The following CDK6 variants were observed in gnomAD, a reference collection of about 807,000 sequenced individuals.
CDK6 encodes the protein cyclin-dependent kinase 6.
In CDK6, 6 loss-of-function variants were observed where a neutral mutation model predicts 37.1. That is an observed-to-expected ratio of 0.16 (90% confidence interval 0.09 to 0.32). CDK6 has a LOEUF of 0.32. Among genes scored for constraint, CDK6 ranks in the 10% least tolerant of loss-of-function variants. CDK6 has a pLI of 1.00. For missense variants in CDK6, 224 were observed against 418.9 expected, an observed-to-expected ratio of 0.53 and a Z score of 4.06; for synonymous variants, 160 against 161.3, an observed-to-expected ratio of 0.99 and a Z score of 0.06.
chr7:92,765,633 C>T (rs1299849347), intron 3 of CDK6, among the ~76,000 whole-genome samples: 2 of 152,098 alleles, frequency 1.3e-5, no homozygotes, highest in Non-Finnish European at 2.9e-5. Flanking sequence ...AAGATAAACA[C>T]CTAGTACAGT....
intron 2 of CDK6, among the ~76,000 whole-genome samples, chr7:92,780,658 G>A (rs1324286713): frequency 3.3e-5 from 5 of 151,404 alleles, no homozygotes; most frequent in Non-Finnish European, 5.9e-5. Flanking sequence ...CTACTTGGGA[G>A]GCTGAGGCAG....
intron 5 of CDK6, among the ~76,000 whole-genome samples, chr7:92,637,839 A>G (rs1176678548): frequency 6.6e-6 from 1 of 152,142 alleles, no homozygotes; most frequent in Non-Finnish European, 1.5e-5. Flanking sequence ...TTGGGGAAGC[A>G]GGAAAAAAGA....
rs2116469272 is a variant in CDK6, at chr7:92,611,642, C to A, written c.*3498G>T. On this transcript the variant is annotated 3_prime_UTR_variant, in exon 8 of 8. Coordinates refer to ENST00000424848, the MANE Select transcript of CDK6 (RefSeq NM_001145306.2). ...AATTTAAAGTTCAAAATGTTTGGTA[C>A]TATTTAAGAGTTTTCTCATCAAGAT... 1 of 228,464 alleles carries A rather than the reference C, an allele frequency of 4.4e-6. No individual in the cohort carries two copies. Among genetic ancestry groups the A allele is most frequent in the African/African-American group, 2.2e-5 (1 of 45,196 alleles). The allele number at this position is 228,464 out of a possible 1,614,324, so 14.2% of individuals were successfully genotyped here.
intron 2 of CDK6, among the ~76,000 whole-genome samples, chr7:92,806,282 A>C (rs1800723241): frequency 1.3e-5 from 2 of 152,000 alleles, no homozygotes; most frequent in South Asian, 4.2e-4. Flanking sequence ...TATGTTCCCA[A>C]CTCTCCCAAA....
At position 92,609,449 on chromosome 7, in the gene CDK6, A is replaced by G; in HGVS notation, c.*5691T>C. Reference sequence around the variant, plus strand: ...CTTCAGACTTTTTTTTTTTAATTAGAGCTTCTTATGAATTTACATTTGTGA... The same window carrying G: ...CTTCAGACTTTTTTTTTTTAATTAGGGCTTCTTATGAATTTACATTTGTGA... On this transcript the variant is annotated 3_prime_UTR_variant, in exon 8 of 8. Transcript: ENST00000424848. 1 of 228,210 alleles carries G rather than the reference A, an allele frequency of 4.4e-6. No individual in the cohort carries two copies. The highest frequency in any genetic ancestry group is 8.7e-6 in the Non-Finnish European group (1 of 115,240). 14.1% of individuals were successfully genotyped at this position (228,210 alleles called of 1,614,324 possible).
At chr7:92,646,304 T>A (rs888843195) in intron 5 of CDK6, among the ~76,000 whole-genome samples, 13 of 152,212 alleles carry the variant, frequency 8.5e-5, no homozygotes, top group African/African-American at 2.7e-4. Flanking sequence ...ATGTAAGTTA[T>A]AACCTCCTTC....
chr7:92,800,328 C>T (rs961232492), intron 2 of CDK6, among the ~76,000 whole-genome samples: 1 of 152,120 alleles, frequency 6.6e-6, no homozygotes, highest in Non-Finnish European at 1.5e-5. Flanking sequence ...ACCTCAGGTT[C>T]GTCTGCCATA....
chr7:92,671,606 T>C, intron 4 of CDK6, 71 bp from the exon 5 acceptor site: 2 of 777,948 alleles, frequency 2.6e-6, no homozygotes, highest in Non-Finnish European at 4.0e-6. Context: ...CTAAACCTGG[T>C]GGTTTAATGA....
chr7:92,830,077 T>C (rs931109198), intron 2 of CDK6, among the ~76,000 whole-genome samples: 3 of 152,228 alleles, frequency 2.0e-5, no homozygotes, highest in African/African-American at 7.2e-5. Flanking sequence ...GATCCATTTG[T>C]GCAGTGCAGA....
chr7:92,822,772 G>T (rs1215484399), intron 2 of CDK6, among the ~76,000 whole-genome samples: 1 of 152,038 alleles, frequency 6.6e-6, no homozygotes, highest in South Asian at 2.1e-4. Context: ...TTGCAGAATT[G>T]TAAGAATGAT....
chr7:92,674,534 G>A (rs1258861247), intron 4 of CDK6, among the ~76,000 whole-genome samples: 2 of 152,202 alleles, frequency 1.3e-5, no homozygotes, highest in Non-Finnish European at 2.9e-5. Context: ...GGAAGGTATT[G>A]TTTTTGCTAA....
chr7:92,650,379 T>C (rs2282984), intron 5 of CDK6, among the ~76,000 whole-genome samples: 11,653 of 152,278 alleles, frequency 0.077, 765 homozygotes, highest in South Asian at 0.2. Context: ...TTCAGAACTG[T>C]GTTTTCTGCA....
intron 3 of CDK6, among the ~76,000 whole-genome samples, chr7:92,741,962 GC>G (rs1430500799): frequency 6.6e-6 from 1 of 152,068 alleles, no homozygotes; most frequent in African/African-American, 2.4e-5. Flanking sequence ...AAGAATAGGT[GC>G]TCAATAAGTT....
chr7:92,799,206 C>G (rs925018166), intron 2 of CDK6, among the ~76,000 whole-genome samples: 1 of 152,196 alleles, frequency 6.6e-6, no homozygotes, highest in Non-Finnish European at 1.5e-5. Flanking sequence ...CACTTTCTCA[C>G]TCCTTAGTTA....
chr7:92,742,144 T>C (rs1584040600), intron 3 of CDK6, among the ~76,000 whole-genome samples: 2 of 152,298 alleles, frequency 1.3e-5, no homozygotes, highest in South Asian at 4.1e-4. Flanking sequence ...GAAAACTAAA[T>C]CAATAATGTC....
chr7:92,811,273 A>G (rs756024488), intron 2 of CDK6, among the ~76,000 whole-genome samples: 2 of 152,134 alleles, frequency 1.3e-5, no homozygotes, highest in Non-Finnish European at 2.9e-5. Flanking sequence ...TACAGTTATA[A>G]TGTTGTATCT....
intron 5 of CDK6, among the ~76,000 whole-genome samples, chr7:92,665,062 G>C (rs1796925213): frequency 6.6e-6 from 1 of 152,152 alleles, no homozygotes. Context: ...TGGGATTACA[G>C]GTGTGAGTCA....
At position 92,621,548 on chromosome 7, in the gene CDK6, C is replaced by A. The variant is rs147186829; in HGVS notation, c.698+1488G>T. Among the ~76,000 whole-genome samples, 16 of 152,332 alleles carry A rather than the reference C, an allele frequency of 1.1e-4. No homozygotes were observed. In the East Asian group the frequency reaches 2.9e-3, roughly 28 times the overall value. On this transcript the variant is annotated intron_variant, in intron 6 of 7. Coordinates refer to ENST00000424848, the MANE Select transcript of CDK6 (RefSeq NM_001145306.2). Reference sequence around the variant, plus strand: ...GTGATGGCTTTCAAGTCCTGGCAAGCTGACTTTAGTCAAGATTCTCTTTCC... The same window carrying A: ...GTGATGGCTTTCAAGTCCTGGCAAGATGACTTTAGTCAAGATTCTCTTTCC...
intron 2 of CDK6, among the ~76,000 whole-genome samples, chr7:92,819,174 C>T (rs1801107384): frequency 6.6e-6 from 1 of 152,052 alleles, no homozygotes; most frequent in African/African-American, 2.4e-5. Flanking sequence ...AAATGATCAT[C>T]AGCAGGTGAA....
Sources: allele counts gnomAD v4.1 joint callset (sites outside exome capture counted in the v4.1 genomes callset), GRCh38; gene constraint gnomAD v4.1.1; transcripts MANE v1.5; gene names NCBI Gene and HGNC (gene_info 2026-07-23, HGNC 2026-07-21).